Variants in BAZ2A observed in about 807,000 individuals in gnomAD.
BAZ2A encodes the protein bromodomain adjacent to zinc finger domain 2A, also known as bromodomain adjacent to zinc finger domain protein 2A.
BAZ2A carries 34 observed loss-of-function variants against 199.9 expected under a neutral mutation model. That is an observed-to-expected ratio of 0.17 (90% CI 0.13 to 0.23). The LOEUF (loss-of-function observed/expected upper bound fraction) is 0.23, where lower values mean the gene tolerates loss of function less well. Ranked by LOEUF, BAZ2A falls within the 10% of genes least tolerant of loss-of-function variation. The probability of loss-of-function intolerance (pLI) is 1.00; values close to 1 mark genes in which losing one functional copy is unlikely to be tolerated. For missense variants in BAZ2A, 2,002 were observed against 2,391.1 expected (o/e 0.84, Z 3.39); for synonymous variants, 857 against 883.9 (o/e 0.97, Z 0.54).
intron 1 of BAZ2A, 71 bp downstream of exon 1, chr12:56,630,054 T>A: frequency 1.1e-6 from 1 of 916,410 alleles, no homozygotes; most frequent in South Asian, 5.0e-5. Context: ...GAGCTTCTGT[T>A]CCCCGAGGGA....
intron 10 of BAZ2A, among the ~76,000 whole-genome samples, chr12:56,608,875 T>TC (rs1379483340): frequency 2.2e-5 from 3 of 138,048 alleles, no homozygotes; most frequent in Non-Finnish European, 4.7e-5. Flanking sequence ...GGCTTTTTTT[T>TC]TTTTTTTTTT....
chr12:56,610,002 C>T, intron 9 of BAZ2A, 56 bp from the exon 10 acceptor site: 2 of 1,603,920 alleles, frequency 1.2e-6, no homozygotes, highest in East Asian at 4.5e-5. Flanking sequence ...GGCCACGAGG[C>T]CCTCGGAACC....
At chr12:56,626,000 G>C (rs1240959245) in intron 1 of BAZ2A, among the ~76,000 whole-genome samples, 1 of 151,872 alleles carries the variant, frequency 6.6e-6, no homozygotes, top group Non-Finnish European at 1.5e-5. Context: ...TTAAAGAGGA[G>C]AAAAGACAAA....
intron 26 of BAZ2A, 149 bp from the exon 27 acceptor site, chr12:56,599,507 A>G (rs1886206693): frequency 1.6e-6 from 2 of 1,219,144 alleles, no homozygotes; most frequent in Non-Finnish European, 2.2e-6. Context: ...TGAAGTAGGT[A>G]AAAGGGAAGG....
At chr12:56,599,915 C>G in intron 25 of BAZ2A, 49 bp downstream of exon 25, 1 of 1,613,138 alleles carries the variant, frequency 6.2e-7, no homozygotes. Flanking sequence ...CCCCACCCCG[C>G]CCCTGCTGGC....
chr12:56,637,556 G>A (rs927103835), upstream of BAZ2A, among the ~76,000 whole-genome samples: 2 of 152,158 alleles, frequency 1.3e-5, no homozygotes, highest in African/African-American at 4.8e-5. Context: ...ACTTTCTGAA[G>A]ACATGAAGGC....
chr12:56,615,668 C>T lies in BAZ2A; in HGVS notation c.137-61G>A. On this transcript the variant is annotated intron_variant, in intron 2 of 28. Coordinates refer to ENST00000549884, the MANE Select transcript of BAZ2A (RefSeq NM_001300905.2). ...ATGTAGGCAAGCAACTTTACCAAAA[C>T]AAACTCAAAGTAATAGCACTGACTA... 2.3e-6 allele frequency: 3 copies of T among 1,288,740 alleles called. No individual in the cohort carries two copies. In the African/African-American group the frequency reaches 4.5e-5, roughly 19 times the overall value. 79.8% of individuals were successfully genotyped at this position (1,288,740 alleles called of 1,614,324 possible).
At chr12:56,604,504 A>C in intron 15 of BAZ2A, 81 bp downstream of exon 15, 1 of 1,441,190 alleles carries the variant, frequency 6.9e-7, no homozygotes, top group Non-Finnish European at 9.3e-7. Flanking sequence ...CACATTTCTG[A>C]GGACTTCTGG....
chr12:56,612,633 T>G (rs1950595368), intron 5 of BAZ2A, among the ~76,000 whole-genome samples: 1 of 151,906 alleles, frequency 6.6e-6, no homozygotes. Context: ...CTTTCCTACT[T>G]TTTTTTTGAG....
At chr12:56,631,762 GT>G (rs1337673831), upstream of BAZ2A, among the ~76,000 whole-genome samples, 1 of 152,130 alleles carries the variant, frequency 6.6e-6, no homozygotes. Flanking sequence ...CAACAAATAC[GT>G]TTTCCTCTGG....
intron 1 of BAZ2A, 86 bp from the exon 2 acceptor site, chr12:56,617,618 T>TC: frequency 1.4e-6 from 2 of 1,397,804 alleles, no homozygotes; most frequent in South Asian, 2.9e-5. Flanking sequence ...CAATGACCCC[T>TC]CCCCTCCACC....
exon 1 of BAZ2A, chr12:56,636,214 C>T (rs758773656): frequency 1.3e-6 from 2 of 1,588,860 alleles, no homozygotes; most frequent in African/African-American, 2.7e-5. Context: ...CAGGCTGGGA[C>T]CACCCAGCTC....
At chr12:56,617,299 C>T in intron 2 of BAZ2A, 96 bp downstream of exon 2, 1 of 1,274,964 alleles carries the variant, frequency 7.8e-7, no homozygotes, top group Non-Finnish European at 1.0e-6. Context: ...GTTGATTTCT[C>T]TCCAGCAGCA....
rs1950254123 is a variant in BAZ2A, at chr12:56,603,756, T to C, written c.3039-56A>G. 5.0e-6 allele frequency: 8 copies of C among 1,589,890 alleles called. No individual in the cohort carries two copies. The Admixed American group carries it at 1.4e-4, about 28-fold the overall frequency. On this transcript the variant is annotated intron_variant, in intron 16 of 28. Coordinates refer to ENST00000549884, the MANE Select transcript of BAZ2A (RefSeq NM_001300905.2). ...GGCCAAGTGTGGTGGCTCACACCTG[T>C]AATTCCAGCACTTTGGGAGGCCAAG... is the stretch of plus-strand genomic sequence containing the variant.
upstream of BAZ2A, chr12:56,636,437 G>A (rs1951450781): frequency 4.7e-6 from 6 of 1,289,418 alleles, no homozygotes; most frequent in Non-Finnish European, 6.1e-6. Flanking sequence ...GAGGGAGGAG[G>A]CGAGGACAGG....
In BAZ2A at chr12:56,610,502, C is replaced by T. The variant is rs1472933949; in HGVS notation, c.1686G>A (p.Val562=). ...LPLQHGWRRE[V]RIKKGSHRWQ... is the part of the protein sequence containing the mutation. ...ATCGGTGGCTGCCCTTCTTGATGCG[C>T]ACCTCTCTCCGCCACCTGCCAGAGA... The change falls in exon 8 of 29, where the codon GTG becomes GTA. Residue 562 remains valine (V), a synonymous_variant. Transcript: ENST00000549884. The T allele has an allele frequency of 3.1e-6, 5 of 1,611,932 alleles. No individual in the cohort carries two copies. The East Asian group carries it at 1.1e-4, about 36-fold the overall frequency.
At chr12:56,634,851 C>G (rs957649252), upstream of BAZ2A, 203 of 952,478 alleles carry the variant, frequency 2.1e-4, no homozygotes, top group Non-Finnish European at 2.5e-4. Flanking sequence ...AGAGTCAGAT[C>G]CCGAATCCCG....
At chr12:56,630,977 G>A, upstream of BAZ2A, 1 of 599,090 alleles carries the variant, frequency 1.7e-6, no homozygotes, top group South Asian at 7.3e-5. Flanking sequence ...TCAGCAAAAA[G>A]ATGCCACAAA....
At position 56,601,926 on chromosome 12, in the gene BAZ2A, G is replaced by A. The variant is rs1208251072; in HGVS notation, c.3691C>T (p.Pro1231Ser). The change falls in exon 20 of 29, where the codon CCC becomes TCC. Residue 1231 changes from proline to serine, a missense_variant. Physicochemically the swap from Pro to Ser is moderately conservative, Grantham distance 74. Transcript: ENST00000549884. The stretch of plus-strand genomic sequence containing the variant: ...AGCTGAAGCTGAAGCTGAGGCTGGG[G>A]CTGGGCAGGAGCATGAAGCTGAGCC... ...PEAQLHAPAQ[P>S]QPQLQLQLQS... 1 of 1,590,038 alleles carries A rather than the reference G, an allele frequency of 6.3e-7. No homozygotes were observed. The highest frequency in any genetic ancestry group is 1.1e-5 in the South Asian group (1 of 89,016).
Sources: allele counts gnomAD v4.1 joint callset (sites outside exome capture counted in the v4.1 genomes callset), GRCh38; gene constraint gnomAD v4.1.1; transcripts MANE v1.5; gene names NCBI Gene and HGNC (gene_info 2026-07-23, HGNC 2026-07-21).